LRRC4C: variants seen among roughly 807,000 people sequenced by gnomAD.
LRRC4C encodes the protein leucine-rich repeat-containing protein 4C.
A neutral mutation model predicts 33.6 loss-of-function variants in LRRC4C; 5 were observed. The ratio of observed to expected loss-of-function variants is 0.15; its 90% CI spans 0.08 to 0.31. The LOEUF (loss-of-function observed/expected upper bound fraction) is 0.31, where lower values mean the gene tolerates loss of function less well. Among genes scored for constraint, LRRC4C ranks in the 10% least tolerant of loss-of-function variants. The probability of loss-of-function intolerance (pLI) is 1.00; values close to 1 mark genes in which losing one functional copy is unlikely to be tolerated. For missense variants in LRRC4C, 560 were observed against 796.7 expected (o/e 0.70, Z 3.58); for synonymous variants, 329 against 302.0 (o/e 1.09, Z -0.93).
intron 5 of LRRC4C, among the ~76,000 whole-genome samples, chr11:40,162,250 T>C (rs1859215784): frequency 6.6e-6 from 1 of 152,184 alleles, no homozygotes; most frequent in South Asian, 2.1e-4. Flanking sequence ...CTTAGTCTGC[T>C]TGACCTTCAT....
intron 2 of LRRC4C, among the ~76,000 whole-genome samples, chr11:40,713,824 T>C (rs1946582956): frequency 2.0e-5 from 3 of 152,350 alleles, no homozygotes; most frequent in South Asian, 2.1e-4. Context: ...ACAAAGAGAC[T>C]GTAGAAGACA....
At chr11:40,974,942 A>C (rs772655963) in intron 1 of LRRC4C, among the ~76,000 whole-genome samples, 4 of 152,082 alleles carry the variant, frequency 2.6e-5, no homozygotes, top group Non-Finnish European at 5.9e-5. Context: ...TTTCCCTCAG[A>C]CTGAGAATTA....
intron 2 of LRRC4C, among the ~76,000 whole-genome samples, chr11:40,752,122 A>G (rs1948717875): frequency 6.6e-6 from 1 of 152,142 alleles, no homozygotes. Flanking sequence ...GAGAAGACTT[A>G]ATGTTAAAAC....
In LRRC4C at chr11:40,798,203, T is replaced by C. The variant is rs78981691; in HGVS notation, c.-407+135432A>G. On this transcript the variant is annotated intron_variant, in intron 2 of 6. Transcript: ENST00000528697. ...ATGCACATCAACCACAAAAATTTAATGAATCACTTTCTTGCCTGCCCTTGA... is the reference window on the plus strand; with the variant it reads ...ATGCACATCAACCACAAAAATTTAACGAATCACTTTCTTGCCTGCCCTTGA... Among the ~76,000 whole-genome samples the C allele has an allele frequency of 4.8e-3, 729 of 152,294 alleles. 8 individuals are homozygous for C. The highest frequency in any genetic ancestry group is 0.017 in the African/African-American group (700 of 41,562).
intron 2 of LRRC4C, among the ~76,000 whole-genome samples, chr11:40,794,782 A>G (rs1398116529): frequency 6.6e-6 from 1 of 152,190 alleles, no homozygotes; most frequent in African/African-American, 2.4e-5. Flanking sequence ...CCAGGAGTGT[A>G]GGGAAACAAG....
At chr11:41,079,102 G>A (rs1422527555) in intron 1 of LRRC4C, among the ~76,000 whole-genome samples, 2 of 152,040 alleles carry the variant, frequency 1.3e-5, no homozygotes, top group Non-Finnish European at 2.9e-5. Flanking sequence ...ACACCTTTAC[G>A]ATTGTCTAAA....
At chr11:40,192,067 G>T (rs965680290) in intron 5 of LRRC4C, among the ~76,000 whole-genome samples, 2 of 152,000 alleles carry the variant, frequency 1.3e-5, no homozygotes, top group African/African-American at 2.4e-5. Flanking sequence ...TGTCTAATCT[G>T]AAAGATTAGA....
chr11:40,500,291 TATACAC>T (rs1184123481), intron 3 of LRRC4C, among the ~76,000 whole-genome samples: 655 of 62,692 alleles, frequency 0.01, 4 homozygotes, highest in South Asian at 0.018. Context: ...TATATATATA[TATACAC>T]ACACACACAC....
At chr11:41,164,852 T>C (rs147070925) in intron 1 of LRRC4C, among the ~76,000 whole-genome samples, 1 of 152,224 alleles carries the variant, frequency 6.6e-6, no homozygotes, top group East Asian at 1.9e-4. Context: ...TGAAACACCA[T>C]AATCTAAGCC....
rs183462730 is a variant in LRRC4C at position 41,216,579 on chromosome 11, A to G, written c.-496+242852T>C. 4.0e-3 allele frequency among the ~76,000 whole-genome samples: 606 copies of G among 152,214 alleles called. 2 individuals carry two copies. Among genetic ancestry groups the G allele is most frequent in the Non-Finnish European group, 6.4e-3 (433 of 68,000 alleles). On this transcript the variant is annotated intron_variant, in intron 1 of 6. Coordinates refer to ENST00000528697, the MANE Select transcript of LRRC4C (RefSeq NM_001258419.2). ...TTTCTGCTTCATACATAGCAGCAAC[A>G]ATGGTAAAGACGATGCCTTCCTTAT...
chr11:40,325,833 T>C (rs1301997674), intron 3 of LRRC4C, among the ~76,000 whole-genome samples: 1 of 152,106 alleles, frequency 6.6e-6, no homozygotes, highest in Non-Finnish European at 1.5e-5. Context: ...TTGGTGAAAT[T>C]AATGGTGTTC....
At chr11:41,235,807 C>G (rs1947996912) in intron 1 of LRRC4C, among the ~76,000 whole-genome samples, 1 of 152,014 alleles carries the variant, frequency 6.6e-6, no homozygotes, top group African/African-American at 2.4e-5. Context: ...GTTCTGCCTC[C>G]CAGGGGAGTT....
At chr11:40,803,528 GTCTTC>G (rs1254846071) in intron 2 of LRRC4C, among the ~76,000 whole-genome samples, 6 of 152,098 alleles carry the variant, frequency 3.9e-5, no homozygotes, top group Admixed American at 2.6e-4. Flanking sequence ...ATAAGGAAAA[GTCTTC>G]TCTATCTCCC....
Position 40,926,784 on chromosome 11 carries a change from TA to T in LRRC4C, c.-407+6850del, listed in dbSNP as rs1001357085. Among the ~76,000 whole-genome samples the T allele has an allele frequency of 2.8e-4, 43 of 151,366 alleles. No homozygotes were observed. In the South Asian group the frequency reaches 4.6e-3, roughly 16 times the overall value. ...GAAATACTATGCAAACCTTAAAAGT[TA>T]AAAAAAAATTACACATATACTTATT... On this transcript the variant is annotated intron_variant, in intron 2 of 6. Transcript: ENST00000528697.
chr11:40,499,885 G>C (rs1954658204), intron 3 of LRRC4C, among the ~76,000 whole-genome samples: 1 of 152,066 alleles, frequency 6.6e-6, no homozygotes, highest in Admixed American at 6.6e-5. Context: ...CGTCATGGGA[G>C]AGAAAGTTAA....
chr11:40,739,405 C>G (rs1359806806), intron 2 of LRRC4C, among the ~76,000 whole-genome samples: 1 of 151,304 alleles, frequency 6.6e-6, no homozygotes, highest in Non-Finnish European at 1.5e-5. Context: ...TTTTTGAAGC[C>G]TGAATACTCT....
intron 3 of LRRC4C, among the ~76,000 whole-genome samples, chr11:40,492,456 T>C (rs1448108650): frequency 6.6e-6 from 1 of 152,132 alleles, no homozygotes; most frequent in African/African-American, 2.4e-5. Context: ...TCAAGAATGA[T>C]TTGTTTGTAT....
At chr11:40,648,425 G>C (rs1419491310) in intron 2 of LRRC4C, 147 bp from the exon 3 acceptor site, 1 of 152,104 alleles carries the variant, frequency 6.6e-6, no homozygotes, top group Non-Finnish European at 1.5e-5. Flanking sequence ...ATGATAGAAA[G>C]TAATGGGAAA....
At chr11:40,524,204 A>G (rs1036156062) in intron 3 of LRRC4C, among the ~76,000 whole-genome samples, 1 of 152,122 alleles carries the variant, frequency 6.6e-6, no homozygotes, top group Non-Finnish European at 1.5e-5. Context: ...ATCTTTATTA[A>G]TTCAGTATCA....
Sources: gnomAD v4.1 joint callset for allele counts (sites outside exome capture counted in the v4.1 genomes callset) on GRCh38, gnomAD v4.1.1 for gene constraint, MANE v1.5 for transcripts, NCBI Gene and HGNC (gene_info 2026-07-23, HGNC 2026-07-21) for gene names.